The following STXBP4 variants were observed in gnomAD, a reference collection of about 807,000 sequenced individuals.
STXBP4 encodes the protein syntaxin-binding protein 4.
In STXBP4, 55 loss-of-function variants were observed where a neutral mutation model predicts 76.1. The ratio of observed to expected loss-of-function variants is 0.72; its 90% CI spans 0.58 to 0.91. The LOEUF (loss-of-function observed/expected upper bound fraction) is 0.91. Ranked by LOEUF, STXBP4 falls within the 40% of genes least tolerant of loss-of-function variation. The pLI is 0.00. For synonymous variants in STXBP4, 201 were observed against 220.2 expected (o/e 0.91, Z 0.77); for missense variants, 618 against 636.9 (o/e 0.97, Z 0.32).
Position 55,020,421 on chromosome 17 carries a change from G to C in STXBP4, c.667-10747G>C, listed in dbSNP as rs556650782. ...AACATGTTCTATGTCTAACTATACA[G>C]TAGCTGCAGTCTTTGGCTGTCAAAT... On this transcript the variant is annotated intron_variant, in intron 8 of 17. Transcript: ENST00000376352. Among the ~76,000 whole-genome samples, 8 of 151,456 alleles carry C rather than the reference G, an allele frequency of 5.3e-5. No individual in the cohort carries two copies. In the South Asian group the frequency reaches 1.5e-3, roughly 28 times the overall value.
intron 16 of STXBP4, among the ~76,000 whole-genome samples, chr17:55,134,795 T>C (rs2080010710): frequency 6.6e-6 from 1 of 152,146 alleles, no homozygotes; most frequent in Non-Finnish European, 1.5e-5. Flanking sequence ...TAAAGTCCGT[T>C]GTATATTACT....
At chr17:55,185,150 C>T in the STXBP4 span, among the ~76,000 whole-genome samples, 414 of 152,174 alleles carry the variant, frequency 2.7e-3, 1 homozygote, top group South Asian at 4.6e-3. Flanking sequence ...GAATTACAGG[C>T]ATGAACCACC....
intron 6 of STXBP4, 76 bp downstream of exon 6, chr17:54,999,918 C>G (rs995216328): frequency 1.1e-6 from 1 of 950,026 alleles, no homozygotes; most frequent in African/African-American, 1.7e-5. Context: ...TGGTTATGTA[C>G]ATATAGAATT....
chr17:54,979,381 T>C (rs2077516714), intron 1 of STXBP4, among the ~76,000 whole-genome samples: 1 of 152,234 alleles, frequency 6.6e-6, no homozygotes, highest in South Asian at 2.1e-4. Flanking sequence ...TATGTGTCCT[T>C]ATTGCTCTAT....
rs951509907 is a variant in STXBP4 at position 55,031,232 on chromosome 17, A to T, written c.731A>T (p.Gln244Leu). Residue 244 changes from glutamine to leucine, a missense_variant, in exon 9 of 18, where the codon CAA becomes CTA. Physicochemically the swap from Gln to Leu is moderately radical, Grantham distance 113. Coordinates refer to ENST00000376352, the MANE Select transcript of STXBP4 (RefSeq NM_178509.6). ...EQHQALRQQVQADSKGTVSFG... is the reference protein window; with the variant it reads ...EQHQALRQQVLADSKGTVSFG... ...CACCAAGCCCTGAGACAGCAAGTACAAGCAGACTCAAAAGGGACAGTGTCT... is the reference window on the plus strand; with the variant it reads ...CACCAAGCCCTGAGACAGCAAGTACTAGCAGACTCAAAAGGGACAGTGTCT... 6.2e-7 allele frequency: 1 copy of T among 1,613,288 alleles called. No individual in the cohort carries two copies.
At chr17:55,080,165 G>A (rs1489054295) in intron 15 of STXBP4, among the ~76,000 whole-genome samples, 1 of 152,122 alleles carries the variant, frequency 6.6e-6, no homozygotes, top group Non-Finnish European at 1.5e-5. Context: ...GCCAGAGCCT[G>A]CCCTTGCCTT....
chr17:54,984,738 A>T (rs1350963360), intron 1 of STXBP4, among the ~76,000 whole-genome samples: 4 of 152,050 alleles, frequency 2.6e-5, no homozygotes, highest in Non-Finnish European at 4.4e-5. Context: ...TGATATATTG[A>T]TTCTCCTCAG....
At chr17:55,014,883 G>A (rs1346032958) in intron 8 of STXBP4, among the ~76,000 whole-genome samples, 1 of 151,890 alleles carries the variant, frequency 6.6e-6, no homozygotes, top group East Asian at 1.9e-4. Context: ...TCCAAAGTCC[G>A]CTTGCCTGAG....
chr17:55,052,774 C>G (rs1320831670), intron 12 of STXBP4, among the ~76,000 whole-genome samples: 1 of 151,096 alleles, frequency 6.6e-6, no homozygotes, highest in East Asian at 1.9e-4. Context: ...AAATATGATG[C>G]CCAAAAAATG....
intron 16 of STXBP4, among the ~76,000 whole-genome samples, chr17:55,088,117 A>T (rs761289790): frequency 2.6e-5 from 4 of 152,240 alleles, no homozygotes; most frequent in Admixed American, 6.5e-5. Flanking sequence ...TTCAAGTTTA[A>T]TAATTCAGAT....
intron 8 of STXBP4, among the ~76,000 whole-genome samples, chr17:55,008,896 C>T (rs1254654767): frequency 6.6e-6 from 1 of 152,112 alleles, no homozygotes; most frequent in Non-Finnish European, 1.5e-5. Context: ...ACCAAAGTGC[C>T]ATACTTTGAG....
chr17:55,039,347 T>TAA (rs11463240), intron 10 of STXBP4, among the ~76,000 whole-genome samples: 2,538 of 149,240 alleles, frequency 0.017, 39 homozygotes, highest in African/African-American at 0.033. Flanking sequence ...GTAGTCTACT[T>TAA]AAAAAAAAAA....
At chr17:55,139,645 C>A (rs2080073222) in intron 16 of STXBP4, among the ~76,000 whole-genome samples, 1 of 152,096 alleles carries the variant, frequency 6.6e-6, no homozygotes, top group Non-Finnish European at 1.5e-5. Context: ...GCGCATCTGG[C>A]TGAGCATGTG....
chr17:54,993,105 G>A (rs2077744897), intron 4 of STXBP4, among the ~76,000 whole-genome samples: 1 of 152,152 alleles, frequency 6.6e-6, no homozygotes. Context: ...TAGCGGTGGT[G>A]CTGAATGACT....
intron 12 of STXBP4, among the ~76,000 whole-genome samples, chr17:55,065,534 G>T (rs891801426): frequency 7.9e-5 from 12 of 152,068 alleles, no homozygotes; most frequent in Non-Finnish European, 1.6e-4. Context: ...TCAATGAAAA[G>T]AGTTTAATCT....
At chr17:55,058,590 A>G (rs181905410) in intron 12 of STXBP4, among the ~76,000 whole-genome samples, 1 of 152,180 alleles carries the variant, frequency 6.6e-6, no homozygotes, top group African/African-American at 2.4e-5. Context: ...GAGGCAGTAC[A>G]TGCCTGAAGG....
chr17:55,142,329 T>C (rs1160500311), intron 17 of STXBP4, among the ~76,000 whole-genome samples: 1 of 152,190 alleles, frequency 6.6e-6, no homozygotes, highest in Non-Finnish European at 1.5e-5. Flanking sequence ...CTCCTTTGTG[T>C]ATCCTTTTAG....
In STXBP4 at chr17:55,169,808, A is replaced by G. The variant is rs1490160484; in HGVS notation, c.*9897A>G. 1 of 152,252 alleles carries G rather than the reference A, an allele frequency of 6.6e-6. No homozygotes were observed. The highest frequency in any genetic ancestry group is 2.4e-5 in the African/African-American group (1 of 41,464). 9.4% of individuals were successfully genotyped at this position (152,252 alleles called of 1,614,324 possible). On this transcript the variant is annotated 3_prime_UTR_variant, in exon 18 of 18. Coordinates refer to ENST00000376352, the MANE Select transcript of STXBP4 (RefSeq NM_178509.6). ...GAGATCAAGTGGTTTGTCCCTGGAC[A>G]TTCAAGCAATTGAATGTCTAAACAA... is the stretch of plus-strand genomic sequence containing the variant.
the STXBP4 span, among the ~76,000 whole-genome samples, chr17:55,205,582 C>A: frequency 3.3e-5 from 5 of 151,484 alleles, no homozygotes; most frequent in Non-Finnish European, 7.4e-5. Flanking sequence ...CACATATACA[C>A]AAAGTGGGAC....
Sources: allele counts gnomAD v4.1 joint callset (sites outside exome capture counted in the v4.1 genomes callset), GRCh38; gene constraint gnomAD v4.1.1; transcripts MANE v1.5; gene names NCBI Gene and HGNC (gene_info 2026-07-23, HGNC 2026-07-21).